Variants in DLGAP1 observed in about 807,000 individuals in gnomAD.
DLGAP1 encodes the protein disks large-associated protein 1.
Under a neutral mutation model 90.8 loss-of-function variants are expected in DLGAP1, and 11 were observed. The ratio of observed to expected loss-of-function variants is 0.12; its 90% confidence interval spans 0.08 to 0.20. The LOEUF (loss-of-function observed/expected upper bound fraction) is 0.20. Ranked by LOEUF, DLGAP1 falls within the 10% of genes least tolerant of loss-of-function variation. DLGAP1 has a pLI of 1.00. For synonymous variants in DLGAP1, 558 were observed against 540.7 expected, an observed-to-expected ratio of 1.03 and a Z score of -0.44; for missense variants, 1,050 against 1,333.8, an observed-to-expected ratio of 0.79 and a Z score of 3.31.
intron 3 of DLGAP1, among the ~76,000 whole-genome samples, chr18:3,901,377 G>A (rs2071778661): frequency 6.6e-6 from 1 of 152,020 alleles, no homozygotes; most frequent in African/African-American, 2.4e-5. Flanking sequence ...TTCTCCCACT[G>A]TGGGGTGACC....
chr18:3,723,807 G>A (rs535499356), intron 7 of DLGAP1, among the ~76,000 whole-genome samples: 1 of 152,252 alleles, frequency 6.6e-6, no homozygotes, highest in South Asian at 2.1e-4. Context: ...GTAGGAAGAT[G>A]GAAGAATGTG....
chr18:4,099,504 G>A (rs1568396145), intron 2 of DLGAP1, among the ~76,000 whole-genome samples: 1 of 152,122 alleles, frequency 6.6e-6, no homozygotes, highest in African/African-American at 2.4e-5. Context: ...ATGTGAAACA[G>A]CATATTGTCT....
intron 4 of DLGAP1, among the ~76,000 whole-genome samples, chr18:3,841,973 T>C (rs2068741520): frequency 6.6e-6 from 1 of 151,942 alleles, no homozygotes; most frequent in African/African-American, 2.4e-5. Flanking sequence ...AAGGAAATGA[T>C]GGGTGCTATG....
chr18:3,743,737 G>A (rs1445888488), intron 5 of DLGAP1, among the ~76,000 whole-genome samples: 4 of 151,970 alleles, frequency 2.6e-5, no homozygotes, highest in Admixed American at 6.6e-5. Flanking sequence ...TGCAGCCTCC[G>A]CCTCCTAGGT....
At chr18:3,621,733 T>C (rs1163119162) in intron 7 of DLGAP1, among the ~76,000 whole-genome samples, 1 of 152,232 alleles carries the variant, frequency 6.6e-6, no homozygotes, top group African/African-American at 2.4e-5. Flanking sequence ...CGCAAAGCAT[T>C]CTTTGCTTAA....
chr18:3,898,981 T>C (rs978011827), intron 3 of DLGAP1, among the ~76,000 whole-genome samples: 8 of 152,006 alleles, frequency 5.3e-5, no homozygotes, highest in African/African-American at 1.9e-4. Flanking sequence ...TACAAAATGC[T>C]CACACCTCTC....
chr18:3,579,967 T>C (rs73940041), intron 8 of DLGAP1, among the ~76,000 whole-genome samples: 177 of 152,314 alleles, frequency 1.2e-3, no homozygotes, highest in African/African-American at 3.7e-3. Flanking sequence ...GTGTTGAACA[T>C]ACTGTTATGT....
At chr18:3,819,634 T>G (rs571005667) in intron 4 of DLGAP1, among the ~76,000 whole-genome samples, 1 of 152,292 alleles carries the variant, frequency 6.6e-6, no homozygotes, top group East Asian at 1.9e-4. Flanking sequence ...ATGAAGGATA[T>G]GAAGAGTAAA....
intron 1 of DLGAP1, among the ~76,000 whole-genome samples, chr18:4,423,771 T>C (rs1433807030): frequency 6.2e-5 from 9 of 145,630 alleles, no homozygotes; most frequent in African/African-American, 1.0e-4. Context: ...ACAACATATA[T>C]AGACATCCTG....
rs141157241 is a variant in DLGAP1 at position 4,415,090 on chromosome 18, G to C, written c.-267+39916C>G. ...ATATATATAATGACTGTTGATATTAGAGGAACAATCTATAATCAATGAGTA... is the reference window on the plus strand; with the variant it reads ...ATATATATAATGACTGTTGATATTACAGGAACAATCTATAATCAATGAGTA... On this transcript the variant is annotated intron_variant, in intron 1 of 12. Transcript: ENST00000315677. Among the ~76,000 whole-genome samples the C allele has an allele frequency of 7.5e-4, 114 of 152,054 alleles. 1 individual carries two copies. In the East Asian group the frequency reaches 0.02, roughly 27 times the overall value.
intron 7 of DLGAP1, among the ~76,000 whole-genome samples, chr18:3,692,936 C>T (rs766740700): frequency 1.2e-4 from 19 of 152,140 alleles, no homozygotes; most frequent in South Asian, 4.1e-4. Flanking sequence ...CTGCTCATGC[C>T]GATGAAAGCC....
intron 2 of DLGAP1, among the ~76,000 whole-genome samples, chr18:4,045,052 C>A (rs1267578660): frequency 6.6e-6 from 1 of 152,004 alleles, no homozygotes; most frequent in African/African-American, 2.4e-5. Flanking sequence ...AAGTTATAAT[C>A]ATAATTAACC....
chr18:3,553,424 ATAC>A (rs2053583709), intron 9 of DLGAP1, among the ~76,000 whole-genome samples: 1 of 152,226 alleles, frequency 6.6e-6, no homozygotes, highest in South Asian at 2.1e-4. Flanking sequence ...TACAATGTAA[ATAC>A]TACTTTGTTT....
chr18:4,341,125 A>G (rs927139482), intron 1 of DLGAP1, among the ~76,000 whole-genome samples: 1 of 151,988 alleles, frequency 6.6e-6, no homozygotes, highest in African/African-American at 2.4e-5. Context: ...TTTCCTCTCA[A>G]TTCACACTAA....
chr18:4,292,174 T>C (rs1285672701), intron 1 of DLGAP1, among the ~76,000 whole-genome samples: 1 of 152,182 alleles, frequency 6.6e-6, no homozygotes, highest in African/African-American at 2.4e-5. Context: ...ATAAGCAATA[T>C]GGAATTGCCC....
intron 5 of DLGAP1, among the ~76,000 whole-genome samples, chr18:3,800,841 C>T (rs1297704577): frequency 6.6e-6 from 1 of 152,044 alleles, no homozygotes; most frequent in Admixed American, 6.6e-5. Context: ...AAAATAATAG[C>T]AGCAGCAACA....
chr18:3,554,113 T>C (rs952156306), intron 9 of DLGAP1, among the ~76,000 whole-genome samples: 9 of 152,068 alleles, frequency 5.9e-5, no homozygotes, highest in African/African-American at 2.2e-4. Context: ...ACAGAAAGGA[T>C]TGGCTTACTA....
intron 1 of DLGAP1, among the ~76,000 whole-genome samples, chr18:4,170,529 G>C (rs1196886543): frequency 1.3e-5 from 2 of 152,056 alleles, no homozygotes; most frequent in East Asian, 1.9e-4. Flanking sequence ...AAAAATAAGA[G>C]ATTTAACGGA....
At chr18:4,214,967 T>C (rs1262815592) in intron 1 of DLGAP1, among the ~76,000 whole-genome samples, 1 of 152,124 alleles carries the variant, frequency 6.6e-6, no homozygotes, top group Non-Finnish European at 1.5e-5. Context: ...AAGAACGACA[T>C]TTTAGGCCAA....
Sources: gnomAD v4.1 joint callset for allele counts (sites outside exome capture counted in the v4.1 genomes callset) on GRCh38, gnomAD v4.1.1 for gene constraint, MANE v1.5 for transcripts, NCBI Gene and HGNC (gene_info 2026-07-23, HGNC 2026-07-21) for gene names.